The following ARHGEF17 variants were observed in gnomAD, a reference collection of about 807,000 sequenced individuals.
The protein encoded by ARHGEF17 is 164 kDa Rho-specific guanine-nucleotide exchange factor.
A neutral mutation model predicts 174.0 loss-of-function variants in ARHGEF17; 80 were observed. The ratio of observed to expected loss-of-function variants is 0.46; its 90% CI spans 0.38 to 0.55. The LOEUF (loss-of-function observed/expected upper bound fraction) is 0.55, where lower values mean the gene tolerates loss of function less well. ARHGEF17 is among the 20% of genes least tolerant of loss of function. The pLI is 0.00. For synonymous variants in ARHGEF17, 1,311 were observed against 1,189.1 expected, an observed-to-expected ratio of 1.10 and a Z score of -2.11; for missense variants, 2,886 against 2,839.7, an observed-to-expected ratio of 1.02 and a Z score of -0.37.
intron 1 of ARHGEF17, among the ~76,000 whole-genome samples, chr11:73,339,806 G>A (rs1865342080): frequency 6.6e-6 from 1 of 152,150 alleles, no homozygotes; most frequent in African/African-American, 2.4e-5. Flanking sequence ...CCCCCTCTCT[G>A]TCTTTCCTTC....
At chr11:73,312,366 C>T (rs755652753) in intron 1 of ARHGEF17, among the ~76,000 whole-genome samples, 30 of 152,134 alleles carry the variant, frequency 2.0e-4, no homozygotes, top group Non-Finnish European at 3.5e-4. Context: ...AGGTACAAGG[C>T]TTTACTTTAT....
At chr11:73,325,426 G>A (rs1203478241) in intron 1 of ARHGEF17, among the ~76,000 whole-genome samples, 1 of 152,210 alleles carries the variant, frequency 6.6e-6, no homozygotes, top group Non-Finnish European at 1.5e-5. Flanking sequence ...GGAGCCTGCG[G>A]GCTGGAGGGG....
Position 73,311,352 on chromosome 11 carries a change from T to G in ARHGEF17, c.2714T>G (p.Leu905Arg), listed in dbSNP as rs1176425416. Residue 905 changes from leucine (L) to arginine (R), a missense_variant, in exon 1 of 21, where the codon CTT (leucine) becomes CGT (arginine). Coordinates refer to ENST00000263674, the MANE Select transcript of ARHGEF17 (RefSeq NM_014786.4). ...GCCACTGCCCACCGAAACTTTCACC[T>G]TGACCCCAAGCTGGCTGACATTCTG... ...PPATAHRNFH[L>R]DPKLADILSP... is the part of the protein sequence containing the mutation. The G allele has an allele frequency of 3.1e-6, 5 of 1,613,196 alleles. No individual in the cohort carries two copies. In the African/African-American group the frequency reaches 6.7e-5, roughly 22 times the overall value.
intron 2 of ARHGEF17, chr11:73,347,316 C>T (rs1858079322): frequency 2.8e-6 from 1 of 359,930 alleles, no homozygotes; most frequent in African/African-American, 2.2e-5. Context: ...GAATAGAGTT[C>T]AGTATTGAGC....
chr11:73,368,494 T>C lies in ARHGEF17; in HGVS notation c.*714T>C, dbSNP rs1281728984. 1 of 152,198 alleles carries C rather than the reference T, an allele frequency of 6.6e-6. No individual in the cohort carries two copies. The highest frequency in any genetic ancestry group is 2.4e-5 in the African/African-American group (1 of 41,440). 9.4% of individuals were successfully genotyped at this position (152,198 alleles called of 1,614,324 possible). On this transcript the variant is annotated 3_prime_UTR_variant, in exon 21 of 21. Coordinates refer to ENST00000263674, the MANE Select transcript of ARHGEF17 (RefSeq NM_014786.4). ...GATGCTGACTATTAGGGGGCAGTGA[T>C]TGCCATCTGGGGACCTGTCAGGCTT...
At chr11:73,345,090 C>T (rs971345631) in intron 1 of ARHGEF17, among the ~76,000 whole-genome samples, 4 of 152,154 alleles carry the variant, frequency 2.6e-5, no homozygotes, top group South Asian at 4.1e-4. Context: ...GGCCTGTCCT[C>T]GGGAGGCCTT....
In ARHGEF17 at chr11:73,308,622, G is replaced by A. The variant is rs1272337869; in HGVS notation, c.-17G>A. The A allele has an allele frequency of 1.4e-6, 2 of 1,453,680 alleles. No homozygotes were observed. Among genetic ancestry groups the A allele is most frequent in the Non-Finnish European group, 1.8e-6 (2 of 1,106,928 alleles). 90.0% of individuals were successfully genotyped at this position (1,453,680 alleles called of 1,614,324 possible). ...CGGCTGCCCGAGGCCAGCCCCCCCG[G>A]AGTGAGTTACGCCACTATGGCGGAC... On this transcript the variant is annotated 5_prime_UTR_variant, in exon 1 of 21. Coordinates refer to ENST00000263674, the MANE Select transcript of ARHGEF17 (RefSeq NM_014786.4).
chr11:73,328,504 G>T (rs1159301141), intron 1 of ARHGEF17, among the ~76,000 whole-genome samples: 1 of 152,170 alleles, frequency 6.6e-6, no homozygotes, highest in African/African-American at 2.4e-5. Flanking sequence ...TCAAAGCCCA[G>T]CCCTGAGGTC....
chr11:73,360,977 TA>T, intron 11 of ARHGEF17, 110 bp from the exon 12 acceptor site: 1 of 872,708 alleles, frequency 1.1e-6, no homozygotes, highest in Non-Finnish European at 1.8e-6. Flanking sequence ...GGCCTTCCCC[TA>T]AAGAGACCCT....
chr11:73,356,425 C>T, intron 6 of ARHGEF17, 74 bp downstream of exon 6: 1 of 1,390,304 alleles, frequency 7.2e-7, no homozygotes, highest in Non-Finnish European at 9.5e-7. Flanking sequence ...CTGTGTGCAT[C>T]TGTGGCCACC....
At position 73,309,357 on chromosome 11, in the gene ARHGEF17, A is replaced by G. The variant is rs1864763070; in HGVS notation, c.719A>G (p.Tyr240Cys). ...SCSSSSIAAS[Y>C]PVSRSRAASS... ...TCCTCCTCCTCCATCGCCGCCTCCT[A>G]TCCTGTCAGCCGCAGTCGTGCTGCC... is the stretch of plus-strand genomic sequence containing the variant. Residue 240 changes from tyrosine to cysteine, a missense_variant, in exon 1 of 21, where the codon TAT becomes TGT. Tyr to Cys is a radical substitution (Grantham distance 194). Coordinates refer to ENST00000263674, the MANE Select transcript of ARHGEF17 (RefSeq NM_014786.4). The G allele has an allele frequency of 6.2e-7, 1 of 1,604,782 alleles. No homozygotes were observed. The highest frequency in any genetic ancestry group is 1.7e-4 in the Middle Eastern group (1 of 5,730).
chr11:73,364,387 C>T, intron 17 of ARHGEF17, 65 bp from the exon 18 acceptor site: 1 of 1,610,478 alleles, frequency 6.2e-7, no homozygotes, highest in Non-Finnish European at 8.5e-7. Flanking sequence ...CATCTCATTT[C>T]AGGGGAGACC....
chr11:73,336,424 T>C (rs1368830313), intron 1 of ARHGEF17, among the ~76,000 whole-genome samples: 1 of 152,164 alleles, frequency 6.6e-6, no homozygotes, highest in Non-Finnish European at 1.5e-5. Context: ...GGGAGCGCAG[T>C]GGGTACGGGG....
intron 1 of ARHGEF17, among the ~76,000 whole-genome samples, chr11:73,327,154 G>A (rs943992322): frequency 6.6e-6 from 1 of 152,190 alleles, no homozygotes; most frequent in African/African-American, 2.4e-5. Flanking sequence ...GGCCCCACTT[G>A]ATCAGAAGGA....
intron 1 of ARHGEF17, among the ~76,000 whole-genome samples, chr11:73,325,464 CTG>C (rs1388879339): frequency 6.6e-6 from 1 of 152,220 alleles, no homozygotes; most frequent in Non-Finnish European, 1.5e-5. Context: ...AGTTCCCACA[CTG>C]TGGGGTAAGC....
rs1864736789 is a variant in ARHGEF17, at chr11:73,308,726, G to A, written c.88G>A (p.Glu30Lys). 4 of 1,512,272 alleles carry A rather than the reference G, an allele frequency of 2.6e-6. No individual in the cohort carries two copies. Among genetic ancestry groups the A allele is most frequent in the Non-Finnish European group, 3.5e-6 (4 of 1,135,356 alleles). 93.7% of individuals were successfully genotyped at this position (1,512,272 alleles called of 1,614,324 possible). Reference protein sequence around the residue: ...ERWSGGPGLREEDTDTPGLRR... With the variant: ...ERWSGGPGLRKEDTDTPGLRR... ...CTGGAGCGGCGGCCCCGGGCTGAGGGAGGAGGACACGGACACCCCCGGCTT... is the reference window on the plus strand; with the variant it reads ...CTGGAGCGGCGGCCCCGGGCTGAGGAAGGAGGACACGGACACCCCCGGCTT... The change falls in exon 1 of 21, where the codon GAG becomes AAG. Residue 30 changes from glutamate to lysine, a missense_variant. Glu to Lys is a moderately conservative substitution (Grantham distance 56, BLOSUM62 1). This residue lies in a region of ARHGEF17 where 1,728 missense variants were observed against 1,461.2 expected (regional missense o/e 1.18). Coordinates refer to ENST00000263674, the MANE Select transcript of ARHGEF17 (RefSeq NM_014786.4).
At chr11:73,360,220 A>C in intron 10 of ARHGEF17, 100 bp from the exon 11 acceptor site, 1 of 1,322,904 alleles carries the variant, frequency 7.6e-7, no homozygotes, top group Non-Finnish European at 1.1e-6. Flanking sequence ...AGACAGTCTC[A>C]CTTGCTGTCT....
chr11:73,344,812 C>T (rs763971084), intron 1 of ARHGEF17, among the ~76,000 whole-genome samples: 2 of 152,200 alleles, frequency 1.3e-5, no homozygotes, highest in African/African-American at 2.4e-5. Flanking sequence ...ACCTGTGGCC[C>T]GTGGCTGCCC....
chr11:73,363,935 T>G, intron 16 of ARHGEF17, 102 bp downstream of exon 16: 1 of 1,311,916 alleles, frequency 7.6e-7, no homozygotes, highest in Non-Finnish European at 1.1e-6. Flanking sequence ...CCCTCCTCTG[T>G]GTGGAGGCTG....
Sources: allele counts gnomAD v4.1 joint callset (sites outside exome capture counted in the v4.1 genomes callset), GRCh38; gene constraint gnomAD v4.1.1; regional missense constraint gnomAD v4.1.1; transcripts MANE v1.5; gene names NCBI Gene and HGNC (gene_info 2026-07-23, HGNC 2026-07-21).